CBLN2: variants seen among roughly 807,000 people sequenced by gnomAD.
CBLN2 encodes the protein cerebellin 2 precursor, also known as cerebellin-2.
A neutral mutation model predicts 15.0 loss-of-function variants in CBLN2; 7 were observed. The observed-to-expected ratio is 0.47, with a 90% CI of 0.27 to 0.88. The LOEUF (loss-of-function observed/expected upper bound fraction) is 0.88, where lower values mean the gene tolerates loss of function less well. CBLN2 is among the 40% of genes least tolerant of loss of function. The probability of loss-of-function intolerance (pLI) is 0.14; values close to 1 mark genes in which losing one functional copy is unlikely to be tolerated. For synonymous variants in CBLN2, 149 were observed against 135.2 expected, an observed-to-expected ratio of 1.10 and a Z score of -0.71; for missense variants, 242 against 304.5, an observed-to-expected ratio of 0.79 and a Z score of 1.53.
intron 1 of CBLN2, among the ~76,000 whole-genome samples, chr18:72,580,081 TC>T: frequency 6.9e-6 from 1 of 144,348 alleles, no homozygotes; most frequent in East Asian, 2.0e-4. Flanking sequence ...ACTACTTTTT[TC>T]CAAATTATAG....
chr18:72,538,675 A>G lies in CBLN2; in HGVS notation c.455T>C (p.Val152Ala), dbSNP rs1469833166. The G allele has an allele frequency of 6.2e-7, 1 of 1,613,706 alleles. No homozygotes were observed. The highest frequency in any genetic ancestry group is 1.3e-5 in the African/African-American group (1 of 74,768). ...CACCTGGATGGTTTGTCTGTTATAC[A>G]CTTTGACCACGTGGAAGCTGAAGCT... ...IYSFSFHVVK[V>A]YNRQTIQVSL... The change falls in exon 4 of 5, where the codon GTG becomes GCG. Residue 152 changes from valine to alanine, a missense_variant. Physicochemically the swap from Val to Ala is moderately conservative, Grantham distance 64. Around this residue, in one of 4 missense-constraint regions of CBLN2, gnomAD observed 26 missense variants for 70.3 expected, o/e 0.37. Transcript: ENST00000269503.
chr18:72,539,839 A>G (rs915036548), intron 3 of CBLN2: 1 of 152,206 alleles, frequency 6.6e-6, no homozygotes, highest in South Asian at 2.1e-4. Context: ...AGCCAACAAC[A>G]ACATCAAAAT....
intron 1 of CBLN2, among the ~76,000 whole-genome samples, chr18:72,614,705 T>A (rs2069645380): frequency 6.6e-6 from 1 of 152,152 alleles, no homozygotes; most frequent in Non-Finnish European, 1.5e-5. Flanking sequence ...ATATTAAATG[T>A]AAAGAGATTT....
intron 1 of CBLN2, among the ~76,000 whole-genome samples, chr18:72,627,844 A>G (rs1052676511): frequency 1.1e-4 from 17 of 152,212 alleles, no homozygotes; most frequent in African/African-American, 3.9e-4. Context: ...TCTATTTCTT[A>G]TATGTATAGC....
At chr18:72,584,504 G>A (rs905558585) in intron 1 of CBLN2, among the ~76,000 whole-genome samples, 5 of 151,594 alleles carry the variant, frequency 3.3e-5, no homozygotes, top group Admixed American at 2.0e-4. Context: ...GGGTTTCACC[G>A]TGTTGGTCAG....
intron 1 of CBLN2, among the ~76,000 whole-genome samples, chr18:72,627,667 T>A (rs2069749222): frequency 6.6e-6 from 1 of 152,234 alleles, no homozygotes; most frequent in Admixed American, 6.5e-5. Context: ...GAGGGAGTGA[T>A]CAAAATATGC....
intron 1 of CBLN2, among the ~76,000 whole-genome samples, chr18:72,606,450 T>G (rs1414308473): frequency 6.6e-6 from 1 of 152,224 alleles, no homozygotes; most frequent in Non-Finnish European, 1.5e-5. Flanking sequence ...AGCCCTAAGA[T>G]ATAGACATAT....
rs147475104 is a variant in CBLN2, at chr18:72,611,302, A to G, written c.15+27023T>C. Among the ~76,000 whole-genome samples the G allele has an allele frequency of 2.1e-3, 321 of 152,266 alleles. 3 individuals are homozygous for G. Among genetic ancestry groups the G allele is most frequent in the African/African-American group, 7.5e-3 (313 of 41,576 alleles). The stretch of plus-strand genomic sequence containing the variant: ...TCAAATGTTAGTTTTCTTTTAAATT[A>G]TTTGAGAAATCTCCAAAATGCTTTC... On this transcript the variant is annotated intron_variant, in intron 1 of 2. Transcript: ENST00000581073.
At chr18:72,626,572 C>T (rs1015835567) in intron 1 of CBLN2, among the ~76,000 whole-genome samples, 17 of 151,872 alleles carry the variant, frequency 1.1e-4, no homozygotes, top group African/African-American at 1.5e-4. Flanking sequence ...TGGTGGCGGG[C>T]GCCTGTAATC....
intron 1 of CBLN2, among the ~76,000 whole-genome samples, chr18:72,565,319 CTG>C (rs1264440169): frequency 1.3e-5 from 2 of 151,888 alleles, no homozygotes; most frequent in Non-Finnish European, 2.9e-5. Context: ...AATATTATTA[CTG>C]TATAATATAT....
Position 72,595,004 on chromosome 18 carries a change from G to GT in CBLN2, c.15+43320dup, listed in dbSNP as rs892285036. ...TAACTTTATTGACTTTTTGTATTGT[G>GT]TTTTTTTTTTCAATTTAATTTCATT... On this transcript the variant is annotated intron_variant, in intron 1 of 2. Transcript: ENST00000581073. Among the ~76,000 whole-genome samples the GT allele has an allele frequency of 5.3e-3, 690 of 130,746 alleles. 7 individuals are homozygous for GT. Among genetic ancestry groups the GT allele is most frequent in the African/African-American group, 0.016 (557 of 35,610 alleles). 85.8% of individuals were successfully genotyped at this position (130,746 alleles called of 152,430 possible).
chr18:72,578,481 T>C (rs893078624), intron 1 of CBLN2, among the ~76,000 whole-genome samples: 2 of 152,226 alleles, frequency 1.3e-5, no homozygotes, highest in Admixed American at 6.5e-5. Context: ...AATAACTTTC[T>C]AAGCCAAAGT....
chr18:72,597,107 G>A (rs543806902), intron 1 of CBLN2, among the ~76,000 whole-genome samples: 36 of 152,226 alleles, frequency 2.4e-4, no homozygotes, highest in African/African-American at 6.7e-4. Context: ...TGTTGTCTGG[G>A]CATTGAAGAG....
chr18:72,538,170 CTG>C lies in CBLN2; in HGVS notation c.*4_*5del. 6.2e-6 allele frequency: 10 copies of C among 1,614,044 alleles called. No individual in the cohort carries two copies. The highest frequency in any genetic ancestry group is 8.5e-6 in the Non-Finnish European group (10 of 1,179,964). The stretch of plus-strand genomic sequence containing the variant: ...CCATTCCCCCACCATCTAGGGGGCT[CTG>C]TGTTTATAGAGGAAACACCAAGAAG... On this transcript the variant is annotated 3_prime_UTR_variant, in exon 5 of 5. Coordinates refer to ENST00000269503, the MANE Select transcript of CBLN2 (RefSeq NM_182511.4).
At chr18:72,625,810 C>CTATATATATATATA in intron 1 of CBLN2, among the ~76,000 whole-genome samples, 1 of 67,722 alleles carries the variant, frequency 1.5e-5, no homozygotes, top group Non-Finnish European at 3.0e-5. Context: ...CTCTCTCTCT[C>CTATATATATATATA]TCTCTCTCTA....
At chr18:72,587,536 A>C (rs575347859) in intron 1 of CBLN2, among the ~76,000 whole-genome samples, 1 of 152,194 alleles carries the variant, frequency 6.6e-6, no homozygotes, top group South Asian at 2.1e-4. Flanking sequence ...AAGTTAGGAA[A>C]GATTTTTCTC....
intron 1 of CBLN2, among the ~76,000 whole-genome samples, chr18:72,617,293 T>G (rs1453298860): frequency 6.6e-6 from 1 of 152,152 alleles, no homozygotes; most frequent in Non-Finnish European, 1.5e-5. Context: ...TTGGGTATGC[T>G]CTCCGTAAAC....
intron 1 of CBLN2, among the ~76,000 whole-genome samples, chr18:72,584,293 G>T (rs1241553044): frequency 1.4e-5 from 2 of 146,930 alleles, no homozygotes; most frequent in Non-Finnish European, 3.0e-5. Flanking sequence ...GCTCTCTTCA[G>T]AAAAAAAAAT....
intron 1 of CBLN2, among the ~76,000 whole-genome samples, chr18:72,556,663 T>C (rs2069228640): frequency 6.6e-6 from 1 of 152,172 alleles, no homozygotes; most frequent in South Asian, 2.1e-4. Flanking sequence ...AAGACTTTAC[T>C]AGTGAGACTA....
Sources: gnomAD v4.1 joint callset for allele counts (sites outside exome capture counted in the v4.1 genomes callset) on GRCh38, gnomAD v4.1.1 for gene constraint, gnomAD v4.1.1 regional missense constraint, MANE v1.5 for transcripts, NCBI Gene and HGNC (gene_info 2026-07-23, HGNC 2026-07-21) for gene names.